TMEM131L: variants seen among roughly 807,000 people sequenced by gnomAD.
TMEM131L encodes the protein transmembrane 131 like, also known as transmembrane protein 131-like.
TMEM131L carries 54 observed loss-of-function variants against 192.2 expected under a neutral mutation model. The ratio of observed to expected loss-of-function variants is 0.28; its 90% CI spans 0.23 to 0.35. The LOEUF (loss-of-function observed/expected upper bound fraction) is 0.35. Ranked by LOEUF, TMEM131L falls within the 10% of genes least tolerant of loss-of-function variation. The pLI is 1.00. For missense variants in TMEM131L, 1,888 were observed against 1,972.9 expected (o/e 0.96, Z 0.82); for synonymous variants, 701 against 704.9 (o/e 0.99, Z 0.09).
chr4:153,543,344 T>C (rs1315884946), intron 3 of TMEM131L, among the ~76,000 whole-genome samples: 1 of 152,250 alleles, frequency 6.6e-6, no homozygotes, highest in Non-Finnish European at 1.5e-5. Flanking sequence ...TGGGGAGAAG[T>C]ATTTTTTAAA....
chr4:153,553,512 A>G (rs1464088435), intron 4 of TMEM131L, among the ~76,000 whole-genome samples: 1 of 151,584 alleles, frequency 6.6e-6, no homozygotes, highest in Non-Finnish European at 1.5e-5. Context: ...CACATTTAAG[A>G]TTAGTTGAGT....
chr4:153,493,628 C>T (rs1343388690), intron 3 of TMEM131L, among the ~76,000 whole-genome samples: 1 of 152,094 alleles, frequency 6.6e-6, no homozygotes, highest in East Asian at 1.9e-4. Context: ...CCACTGCTCT[C>T]CAGTCTGGGC....
At chr4:153,582,432 T>A (rs1417992028) in intron 9 of TMEM131L, among the ~76,000 whole-genome samples, 1 of 107,556 alleles carries the variant, frequency 9.3e-6, no homozygotes, top group East Asian at 2.2e-4. Context: ...TTTTTTTTGT[T>A]GTTTTTTTTT....
At chr4:153,477,390 C>T (rs891487428) in intron 3 of TMEM131L, among the ~76,000 whole-genome samples, 2 of 152,164 alleles carry the variant, frequency 1.3e-5, no homozygotes, top group African/African-American at 4.8e-5. Flanking sequence ...CTGTGTTGCA[C>T]GTGCCTTTGT....
intron 26 of TMEM131L, among the ~76,000 whole-genome samples, chr4:153,618,872 T>G (rs1294525062): frequency 6.6e-6 from 1 of 152,166 alleles, no homozygotes; most frequent in African/African-American, 2.4e-5. Context: ...CCCTCCCTGT[T>G]CTACCTGCTG....
intron 3 of TMEM131L, among the ~76,000 whole-genome samples, chr4:153,492,760 G>A (rs1400483969): frequency 7.4e-6 from 1 of 134,800 alleles, no homozygotes; most frequent in Non-Finnish European, 1.7e-5. Flanking sequence ...TTTAAATTTA[G>A]GTGTTTTTTT....
chr4:153,467,078 A>T (rs1413090360), intron 1 of TMEM131L, 133 bp from the exon 2 acceptor site: 26 of 853,376 alleles, frequency 3.0e-5, no homozygotes, highest in African/African-American at 1.0e-4. Context: ...CGCCCCTGGG[A>T]TGGCCTCTGT....
At chr4:153,484,915 C>G (rs1487030995) in intron 3 of TMEM131L, among the ~76,000 whole-genome samples, 4 of 146,108 alleles carry the variant, frequency 2.7e-5, no homozygotes, top group East Asian at 2.1e-4. Context: ...GTCAGGAGAT[C>G]GAGACCATCC....
chr4:153,607,382 C>A (rs1294722592), intron 25 of TMEM131L, among the ~76,000 whole-genome samples: 1 of 152,202 alleles, frequency 6.6e-6, no homozygotes, highest in African/African-American at 2.4e-5. Context: ...ATTGTAAGAT[C>A]TTTTCTAGAA....
intron 3 of TMEM131L, among the ~76,000 whole-genome samples, chr4:153,519,837 T>C (rs1320503448): frequency 1.3e-5 from 2 of 152,208 alleles, no homozygotes; most frequent in Non-Finnish European, 2.9e-5. Flanking sequence ...GTCAGTTATG[T>C]GCAAGAAACG....
At chr4:153,502,989 A>G (rs1395632735) in intron 3 of TMEM131L, among the ~76,000 whole-genome samples, 1 of 149,380 alleles carries the variant, frequency 6.7e-6, no homozygotes, top group Non-Finnish European at 1.5e-5. Context: ...TTTTTCCTCT[A>G]CTCTTCCTGA....
At chr4:153,587,597 T>C (rs1701912970) in intron 14 of TMEM131L, 145 bp from the exon 15 acceptor site, 2 of 666,636 alleles carry the variant, frequency 3.0e-6, no homozygotes, top group Non-Finnish European at 5.4e-6. Flanking sequence ...GAAAATTCCT[T>C]AACAATTAGA....
chr4:153,576,876 A>G (rs1403247839), intron 7 of TMEM131L, among the ~76,000 whole-genome samples: 1 of 152,152 alleles, frequency 6.6e-6, no homozygotes, highest in African/African-American at 2.4e-5. Context: ...ATTCCCTAGC[A>G]TCTGTGGCTG....
At chr4:153,594,805 T>A (rs908322499) in intron 19 of TMEM131L, among the ~76,000 whole-genome samples, 5 of 152,072 alleles carry the variant, frequency 3.3e-5, no homozygotes, top group Admixed American at 6.5e-5. Flanking sequence ...TGCACCCAGG[T>A]GTGGTTTTAT....
At chr4:153,585,288 C>A (rs1283539544) in intron 12 of TMEM131L, among the ~76,000 whole-genome samples, 170 bp from the exon 13 acceptor site, 9 of 152,182 alleles carry the variant, frequency 5.9e-5, no homozygotes, top group African/African-American at 1.9e-4. Context: ...TCCAGTTGCT[C>A]CCTATGTGAG....
At chr4:153,561,186 TG>T (rs1561193547) in intron 7 of TMEM131L, among the ~76,000 whole-genome samples, 2 of 152,240 alleles carry the variant, frequency 1.3e-5, no homozygotes, top group Non-Finnish European at 2.9e-5. Context: ...ATATCGTCTT[TG>T]GGGAAGTGGT....
Position 153,550,128 on chromosome 4 carries a change from G to C in TMEM131L, c.295G>C (p.Asp99His). ...CTTACATTTTCAGCCATCAGTTTTA[G>C]ATTTTGGAATACAGTAAGTATCTTT... ...KGLHFQPSVL[D>H]FGIQFLGHPV... Residue 99 changes from aspartate (D) to histidine (H), a missense_variant, in exon 4 of 35, where the codon GAT (aspartate) becomes CAT (histidine). By Grantham distance (81) the Asp-to-His change is moderately conservative. Transcript: ENST00000409959. The C allele has an allele frequency of 7.0e-7, 1 of 1,429,720 alleles. No homozygotes were observed. The highest frequency in any genetic ancestry group is 2.2e-5 in the Admixed American group (1 of 44,758). The allele number at this position is 1,429,720 out of a possible 1,614,324, so 88.6% of individuals were successfully genotyped here. A position where few individuals can be genotyped will look rare whatever the true frequency, so the allele number is the denominator to read the frequency against.
At chr4:153,634,160 T>C in intron 32 of TMEM131L, 32 bp from the exon 33 acceptor site, 1 of 1,580,284 alleles carries the variant, frequency 6.3e-7, no homozygotes, top group Non-Finnish European at 8.7e-7. Flanking sequence ...TGACATCCTG[T>C]TTCTGATTAG....
chr4:153,584,382 A>G (rs534122874), intron 11 of TMEM131L, among the ~76,000 whole-genome samples: 1 of 151,154 alleles, frequency 6.6e-6, no homozygotes, highest in African/African-American at 2.4e-5. Context: ...ACTTTAAAAA[A>G]GTTGGTTATT....
Sources: allele counts gnomAD v4.1 joint callset (sites outside exome capture counted in the v4.1 genomes callset), GRCh38; gene constraint gnomAD v4.1.1; transcripts MANE v1.5; gene names NCBI Gene and HGNC (gene_info 2026-07-23, HGNC 2026-07-21).